Variants in KCTD16 observed in about 807,000 individuals in gnomAD.
KCTD16 encodes the protein potassium channel tetramerization domain containing 16.
Under a neutral mutation model 33.2 loss-of-function variants are expected in KCTD16, and 13 were observed. The ratio of observed to expected loss-of-function variants is 0.39; its 90% CI spans 0.25 to 0.62. The LOEUF (loss-of-function observed/expected upper bound fraction) is 0.62, where lower values mean the gene tolerates loss of function less well. Ranked by LOEUF, KCTD16 falls within the 20% of genes least tolerant of loss-of-function variation. The pLI is 0.50. For synonymous variants in KCTD16, 197 were observed against 195.3 expected (o/e 1.01, Z -0.07); for missense variants, 441 against 525.1 (o/e 0.84, Z 1.57).
intron 3 of KCTD16, among the ~76,000 whole-genome samples, chr5:144,237,668 C>T (rs940669897): frequency 6.6e-6 from 1 of 152,014 alleles, no homozygotes; most frequent in Non-Finnish European, 1.5e-5. Context: ...ACAAAAACAC[C>T]AACCACCAAC....
chr5:144,186,646 A>G (rs1357626236), intron 2 of KCTD16, among the ~76,000 whole-genome samples: 1 of 152,180 alleles, frequency 6.6e-6, no homozygotes, highest in Non-Finnish European at 1.5e-5. Flanking sequence ...AGGTATCCAC[A>G]TTTTCTCCTC....
intron 3 of KCTD16, among the ~76,000 whole-genome samples, chr5:144,406,413 A>T (rs544254023): frequency 6.6e-6 from 1 of 152,366 alleles, no homozygotes; most frequent in Non-Finnish European, 1.5e-5. Context: ...TTATAATTTG[A>T]ACTGAGCAAA....
At chr5:144,397,285 G>A (rs1432347076) in intron 3 of KCTD16, among the ~76,000 whole-genome samples, 1 of 151,980 alleles carries the variant, frequency 6.6e-6, no homozygotes, top group Admixed American at 6.6e-5. Flanking sequence ...AGTATTCCAT[G>A]GTGTATATGT....
At chr5:144,305,356 G>A (rs976314483) in intron 3 of KCTD16, among the ~76,000 whole-genome samples, 2 of 152,160 alleles carry the variant, frequency 1.3e-5, no homozygotes, top group Admixed American at 6.5e-5. Context: ...GCCTCAGAAT[G>A]TGACTGTATT....
At chr5:144,340,966 A>ACCCAGGAGGTAGAGGTTG (rs1752623136) in intron 3 of KCTD16, among the ~76,000 whole-genome samples, 1 of 151,944 alleles carries the variant, frequency 6.6e-6, no homozygotes, top group South Asian at 2.1e-4. Flanking sequence ...AATCGCTTGA[A>ACCCAGGAGGTAGAGGTTG]CCCAGGAGGT....
At chr5:144,338,831 T>C (rs1752555970) in intron 3 of KCTD16, among the ~76,000 whole-genome samples, 1 of 152,182 alleles carries the variant, frequency 6.6e-6, no homozygotes, top group Admixed American at 6.5e-5. Flanking sequence ...GGGGTTACTC[T>C]CAGAGATTCA....
rs545650078 is a variant in KCTD16, at chr5:144,386,748, A to G, written c.833-86912A>G. On this transcript the variant is annotated intron_variant, in intron 3 of 3. Coordinates refer to ENST00000512467, the MANE Select transcript of KCTD16 (RefSeq NM_020768.4). ...AATTGGCACATTCCAGAGTGCTTTG[A>G]TGGTTTATTTGGTAAAACAAAAAAA... 6.6e-5 allele frequency among the ~76,000 whole-genome samples: 10 copies of G among 152,312 alleles called. No individual in the cohort carries two copies. In the East Asian group the frequency reaches 1.7e-3, roughly 26 times the overall value.
chr5:144,462,276 A>T (rs1754213820), intron 3 of KCTD16, among the ~76,000 whole-genome samples: 1 of 152,044 alleles, frequency 6.6e-6, no homozygotes, highest in Non-Finnish European at 1.5e-5. Context: ...CTTTGTCTCT[A>T]CATCAGTCTA....
At chr5:144,227,932 C>T (rs546273123) in intron 3 of KCTD16, among the ~76,000 whole-genome samples, 1 of 152,156 alleles carries the variant, frequency 6.6e-6, no homozygotes, top group East Asian at 1.9e-4. Flanking sequence ...ATAAAGAAAC[C>T]TGAGGAAAGA....
intron 3 of KCTD16, among the ~76,000 whole-genome samples, chr5:144,347,102 T>C (rs1054408165): frequency 6.6e-5 from 10 of 152,196 alleles, no homozygotes; most frequent in African/African-American, 2.4e-4. Context: ...AATGCTCTGA[T>C]GTGATTAGAT....
intron 3 of KCTD16, among the ~76,000 whole-genome samples, chr5:144,396,912 TTATATATA>T (rs200508365): frequency 7.1e-6 from 1 of 141,058 alleles, no homozygotes; most frequent in East Asian, 2.0e-4. Flanking sequence ...ACTTTATTTA[TTATATATA>T]TATATATATA....
At position 144,373,971 on chromosome 5, in the gene KCTD16, GTTTC is replaced by G. The variant is rs546578264; in HGVS notation, c.833-99687_833-99684del. ...TTTGGCTCCTAGCTGCATCACTGCA[GTTTC>G]TGTTTCAGTCACCACATCAAGTTCT... On this transcript the variant is annotated intron_variant, in intron 3 of 3. Transcript: ENST00000512467. Among the ~76,000 whole-genome samples, 165 of 152,280 alleles carry G rather than the reference GTTTC, an allele frequency of 1.1e-3. 3 individuals carry two copies. Among genetic ancestry groups the G allele is most frequent in the African/African-American group, 3.7e-3 (155 of 41,554 alleles).
chr5:144,406,994 G>A (rs955981044), intron 3 of KCTD16, among the ~76,000 whole-genome samples: 4 of 152,024 alleles, frequency 2.6e-5, no homozygotes, highest in African/African-American at 9.7e-5. Flanking sequence ...ATCTTTAAAG[G>A]TGGAACTTGG....
chr5:144,382,748 G>A (rs1250101141), intron 3 of KCTD16, among the ~76,000 whole-genome samples: 1 of 152,104 alleles, frequency 6.6e-6, no homozygotes, highest in Non-Finnish European at 1.5e-5. Context: ...AAGCATCTCT[G>A]GATCCACTGC....
chr5:144,289,497 T>A (rs543880646), intron 3 of KCTD16, among the ~76,000 whole-genome samples: 69 of 152,322 alleles, frequency 4.5e-4, no homozygotes, highest in African/African-American at 1.6e-3. Flanking sequence ...GGCTGCCTGT[T>A]GAGAGGGCAC....
chr5:144,409,070 C>T (rs1301244710), intron 3 of KCTD16, among the ~76,000 whole-genome samples: 1 of 152,138 alleles, frequency 6.6e-6, no homozygotes, highest in Non-Finnish European at 1.5e-5. Flanking sequence ...ACCCATATAT[C>T]CCCAGTATCT....
At chr5:144,372,471 A>T (rs1751990376) in intron 3 of KCTD16, among the ~76,000 whole-genome samples, 2 of 152,210 alleles carry the variant, frequency 1.3e-5, no homozygotes, top group Non-Finnish European at 2.9e-5. Context: ...TAAGGGTGGG[A>T]CTGCCAATTC....
At chr5:144,352,931 A>G (rs1332200777) in intron 3 of KCTD16, among the ~76,000 whole-genome samples, 2 of 152,190 alleles carry the variant, frequency 1.3e-5, no homozygotes, top group East Asian at 3.8e-4. Flanking sequence ...GCTTATAAAT[A>G]CTGAATCAAC....
At chr5:144,343,960 A>G (rs1055783660) in intron 3 of KCTD16, among the ~76,000 whole-genome samples, 41 of 152,188 alleles carry the variant, frequency 2.7e-4, no homozygotes, top group Non-Finnish European at 4.3e-4. Context: ...TTCAAACTAT[A>G]CTACAAGGCT....
Sources: allele counts gnomAD v4.1 joint callset (sites outside exome capture counted in the v4.1 genomes callset), GRCh38; gene constraint gnomAD v4.1.1; transcripts MANE v1.5; gene names NCBI Gene and HGNC (gene_info 2026-07-23, HGNC 2026-07-21).